TCF25: variants seen among roughly 807,000 people sequenced by gnomAD.
TCF25 encodes TCF25 ribosome quality control complex subunit, also known as ribosome quality control complex subunit TCF25.
In TCF25, 41 loss-of-function variants were observed where a neutral mutation model predicts 83.1. The ratio of observed to expected loss-of-function variants is 0.49; its 90% CI spans 0.38 to 0.64. The LOEUF (loss-of-function observed/expected upper bound fraction) is 0.64, where lower values mean the gene tolerates loss of function less well. TCF25 is among the 30% of genes least tolerant of loss of function. The probability of loss-of-function intolerance (pLI) is 0.00; values close to 1 mark genes in which losing one functional copy is unlikely to be tolerated. For synonymous variants in TCF25, 458 were observed against 365.0 expected (o/e 1.25, Z -2.90); for missense variants, 979 against 914.5 (o/e 1.07, Z -0.91).
In TCF25 at chr16:89,892,182, G is replaced by T; in HGVS notation, c.615-11G>T. The T allele has an allele frequency of 6.3e-7, 1 of 1,598,858 alleles. No individual in the cohort carries two copies. The highest frequency in any genetic ancestry group is 8.5e-7 in the Non-Finnish European group (1 of 1,172,944). The stretch of plus-strand genomic sequence containing the variant: ...GGAAGTAAAGCTGTACCTGTGTCCC[G>T]TTCTCCCCAGGCCACGGCAGAGACA... On this transcript the variant is annotated splice_polypyrimidine_tract_variant and intron_variant, in intron 5 of 17. Transcript: ENST00000263346.
At chr16:89,908,708 C>T (rs1371342488) in intron 16 of TCF25, among the ~76,000 whole-genome samples, 1 of 60,776 alleles carries the variant, frequency 1.6e-5, no homozygotes, top group Non-Finnish European at 4.2e-5. Flanking sequence ...TCCCAGCTCC[C>T]ACCTCCCGGC....
intron 8 of TCF25, among the ~76,000 whole-genome samples, 198 bp from the exon 9 acceptor site, chr16:89,895,792 A>T (rs186610914): frequency 2.4e-4 from 37 of 152,338 alleles, no homozygotes; most frequent in African/African-American, 8.9e-4. Flanking sequence ...TTACCATGTC[A>T]AGCTCACAAG....
chr16:89,893,838 A>C lies in TCF25; in HGVS notation c.808A>C (p.Met270Leu). ...CAAGTTCCTGGTGGCCGTGGAGTCT[A>C]TGGAGCCGAACAACATCGTGGTGCG... is the stretch of plus-strand genomic sequence containing the variant. ...QHKFLVAVES[M>L]EPNNIVVLLQ... Residue 270 changes from methionine (M) to leucine (L), a missense_variant, in exon 7 of 18, where the codon ATG (methionine) becomes CTG (leucine). Coordinates refer to ENST00000263346, the MANE Select transcript of TCF25 (RefSeq NM_014972.3). The C allele has an allele frequency of 6.2e-7, 1 of 1,608,956 alleles. No individual in the cohort carries two copies. Among genetic ancestry groups the C allele is most frequent in the Non-Finnish European group, 8.5e-7 (1 of 1,177,878 alleles).
chr16:89,900,156 T>C (rs1038854310), intron 11 of TCF25, among the ~76,000 whole-genome samples: 1 of 152,044 alleles, frequency 6.6e-6, no homozygotes, highest in Non-Finnish European at 1.5e-5. Flanking sequence ...GTGAGTCACA[T>C]GTCTACAATA....
At chr16:89,890,408 C>G (rs1597318086) in intron 5 of TCF25, 1 of 152,378 alleles carries the variant, frequency 6.6e-6, no homozygotes, top group East Asian at 1.9e-4. Context: ...TGCCCAGGTC[C>G]TTCACCTTCT....
At chr16:89,883,547 C>T (rs536152299) in intron 2 of TCF25, 35 bp downstream of exon 2, 52 of 1,555,842 alleles carry the variant, frequency 3.3e-5, no homozygotes, top group Middle Eastern at 2.0e-4. Flanking sequence ...TGGCATCAGA[C>T]GGGAGAGTTC....
intron 4 of TCF25, among the ~76,000 whole-genome samples, chr16:89,887,311 A>G (rs1567707135): frequency 6.6e-6 from 1 of 152,184 alleles, no homozygotes; most frequent in South Asian, 2.1e-4. Context: ...CTTAAAAAAA[A>G]AAAAGCTCCG....
intron 4 of TCF25, 22 bp from the exon 5 acceptor site, chr16:89,887,630 T>C (rs371828472): frequency 1.3e-4 from 207 of 1,572,846 alleles, no homozygotes; most frequent in Middle Eastern, 5.1e-4. Context: ...ATGTTTTTTT[T>C]CTACAATTTT....
chr16:89,905,914 C>T (rs1427318583), intron 14 of TCF25, among the ~76,000 whole-genome samples: 1 of 152,234 alleles, frequency 6.6e-6, no homozygotes, highest in African/African-American at 2.4e-5. Context: ...TGACTTCCCA[C>T]AAGAAGCCAC....
chr16:89,880,173 A>G (rs2042505205), intron 1 of TCF25, among the ~76,000 whole-genome samples: 1 of 148,702 alleles, frequency 6.7e-6, no homozygotes, highest in Non-Finnish European at 1.5e-5. Flanking sequence ...GTCCGTGTAC[A>G]CAGGCTCCTT....
intron 5 of TCF25, 60 bp downstream of exon 5, chr16:89,887,777 C>A: frequency 6.9e-7 from 1 of 1,455,708 alleles, no homozygotes; most frequent in African/African-American, 1.5e-5. Flanking sequence ...GACTCTTGGC[C>A]GGGGGTGGTG....
rs748352805 is a variant in TCF25 at position 89,883,520 on chromosome 16, G to A, written c.354+8G>A. 13 of 1,590,940 alleles carry A rather than the reference G, an allele frequency of 8.2e-6. No individual in the cohort carries two copies. Among genetic ancestry groups the A allele is most frequent in the Non-Finnish European group, 1.1e-5 (13 of 1,169,116 alleles). ...ACAGTGCCCTCAGAGCAGGTGGGGG[G>A]CTGAGTGGTGAGGAGGTGGCATCAG... On this transcript the variant is annotated splice_region_variant and intron_variant, in intron 2 of 17. Coordinates refer to ENST00000263346, the MANE Select transcript of TCF25 (RefSeq NM_014972.3).
intron 1 of TCF25, among the ~76,000 whole-genome samples, chr16:89,876,915 C>G (rs138376836): frequency 5.5e-5 from 7 of 127,888 alleles, no homozygotes; most frequent in Admixed American, 1.8e-4. Context: ...GGCAACAGAG[C>G]GAGACTCCAT....
intron 16 of TCF25, among the ~76,000 whole-genome samples, chr16:89,908,584 C>A (rs1470377528): frequency 7.8e-6 from 1 of 128,372 alleles, no homozygotes; most frequent in Admixed American, 7.6e-5. Context: ...GCAGTTCCCA[C>A]CTCCCAGCTC....
chr16:89,875,221 TTTTA>T (rs1352690046), intron 1 of TCF25, among the ~76,000 whole-genome samples: 1 of 152,216 alleles, frequency 6.6e-6, no homozygotes. Context: ...TATCACATTA[TTTTA>T]TTTTACACTT....
chr16:89,893,959 C>T, intron 7 of TCF25, 101 bp downstream of exon 7: 1 of 1,498,486 alleles, frequency 6.7e-7, no homozygotes, highest in Non-Finnish European at 9.0e-7. Context: ...ATGCTGCCTC[C>T]TGCCCTTCCC....
chr16:89,873,688 G>A lies in TCF25; in HGVS notation c.21G>A (p.Arg7=). Residue 7 remains arginine (R), a synonymous_variant, in exon 1 of 18, where the codon CGG becomes CGA. Transcript: ENST00000263346. ...GTCCTATGTCGCGCCGGGCCCTCCG[G>A]AGGCTGAGGGGGGAACAGCGCGGCC... MSRRAL[R]RLRGEQRGQE... is the part of the protein sequence containing the mutation. 6.2e-7 allele frequency: 1 copy of A among 1,603,444 alleles called. No individual in the cohort carries two copies. Among genetic ancestry groups the A allele is most frequent in the Non-Finnish European group, 8.5e-7 (1 of 1,177,068 alleles).
At chr16:89,910,555 C>G in intron 16 of TCF25, 36 bp from the exon 17 acceptor site, 2 of 1,608,408 alleles carry the variant, frequency 1.2e-6, no homozygotes. Context: ...AGTCTCAGTT[C>G]AGTGTCGTTT....
chr16:89,874,950 C>G (rs1437091568), intron 1 of TCF25: 1 of 152,146 alleles, frequency 6.6e-6, no homozygotes, highest in Non-Finnish European at 1.5e-5. Context: ...CTTTAGTGGT[C>G]CCCAAGACCC....
Sources: allele counts gnomAD v4.1 joint callset (sites outside exome capture counted in the v4.1 genomes callset), GRCh38; gene constraint gnomAD v4.1.1; transcripts MANE v1.5; gene names NCBI Gene and HGNC (gene_info 2026-07-23, HGNC 2026-07-21).